PAQR4: variants seen among roughly 807,000 people sequenced by gnomAD.
PAQR4 encodes progestin and adipoQ receptor family member IV.
A neutral mutation model predicts 20.9 loss-of-function variants in PAQR4; 26 were observed. That is an observed-to-expected ratio of 1.24 (90% CI 0.91 to 1.73). The LOEUF is 1.73. Among genes scored for constraint, PAQR4 ranks in the 40% most tolerant of loss-of-function variants. PAQR4 has a pLI of 0.00. For missense variants in PAQR4, 400 were observed against 380.1 expected (o/e 1.05, Z -0.44); for synonymous variants, 193 against 171.6 (o/e 1.12, Z -0.97).
In PAQR4 at chr16:2,972,277, T is replaced by TC; in HGVS notation, c.*330dup. The TC allele has an allele frequency of 2.0e-6, 1 of 495,398 alleles. No individual in the cohort carries two copies. The highest frequency in any genetic ancestry group is 3.3e-5 in the East Asian group (1 of 30,564). The allele number at this position is 495,398 out of a possible 1,614,324, so 30.7% of individuals were successfully genotyped here. On this transcript the variant is annotated 3_prime_UTR_variant, in exon 3 of 3. Coordinates refer to ENST00000318782, the MANE Select transcript of PAQR4 (RefSeq NM_152341.5). ...TGGGGTCACGTCTTGCTCTGAGAGT[T>TC]CAAGTCCTGCCAGGCCGCCAGCCCA...
Position 2,971,285 on chromosome 16 carries a change from T to G in PAQR4, c.295T>G (p.Tyr99Asp), listed in dbSNP as rs2071980631. The change falls in exon 2 of 3, where the codon TAT becomes GAT. Residue 99 changes from tyrosine (Y) to aspartate (D), a missense_variant. Physicochemically the swap from Tyr to Asp is radical, Grantham distance 160. Coordinates refer to ENST00000318782, the MANE Select transcript of PAQR4 (RefSeq NM_152341.5). ...CLAPPAGSVLYHLFMCHQGGS... is the reference protein window; with the variant it reads ...CLAPPAGSVLDHLFMCHQGGS... ...TGCACCCCCTGCAGGCTCCGTGCTC[T>G]ATCACCTCTTTATGTGCCACCAAGG... The G allele has an allele frequency of 1.2e-6, 2 of 1,612,976 alleles. No individual in the cohort carries two copies. The highest frequency in any genetic ancestry group is 1.7e-6 in the Non-Finnish European group (2 of 1,180,002).
chr16:2,973,450 G>A lies in PAQR4; in HGVS notation c.*1502G>A, dbSNP rs2072071771. The A allele has an allele frequency of 6.6e-7, 1 of 1,522,124 alleles. No homozygotes were observed. The allele number at this position is 1,522,124 out of a possible 1,614,324, so 94.3% of individuals were successfully genotyped here. A position where few individuals can be genotyped will look rare whatever the true frequency, so the allele number is the denominator to read the frequency against. On this transcript the variant is annotated 3_prime_UTR_variant, in exon 3 of 3. Transcript: ENST00000318782. ...GTCCTTTTCAGAACACATGGACTTG[G>A]AGGCAGATTTGAAATAAACTTTTAG...
Position 2,973,224 on chromosome 16 carries a change from G to C in PAQR4, c.*1276G>C. The C allele has an allele frequency of 6.7e-7, 1 of 1,489,800 alleles. No individual in the cohort carries two copies. The highest frequency in any genetic ancestry group is 9.0e-7 in the Non-Finnish European group (1 of 1,116,154). The allele number at this position is 1,489,800 out of a possible 1,614,324, so 92.3% of individuals were successfully genotyped here. The stretch of plus-strand genomic sequence containing the variant: ...CAGGGGAGAGTGAAGGCCTGCAGGA[G>C]GGCAGGCGAGACAAGGAGGGTGTCC... On this transcript the variant is annotated 3_prime_UTR_variant, in exon 3 of 3. Transcript: ENST00000318782.
chr16:2,971,846 C>T lies in PAQR4; in HGVS notation c.720C>T (p.His240=). 6.2e-7 allele frequency: 1 copy of T among 1,612,474 alleles called. No individual in the cohort carries two copies. The highest frequency in any genetic ancestry group is 1.1e-5 in the South Asian group (1 of 91,090). Residue 240 remains histidine (H), a synonymous_variant, in exon 3 of 3, where the codon CAC becomes CAT. Transcript: ENST00000318782. ...GCTTTGACTACTGGGGCAACTCCCA[C>T]CAGATCATGCACCTGCTGAGCGTGG... is the stretch of plus-strand genomic sequence containing the variant. The part of the protein sequence containing the change: ...PGRFDYWGNS[H]QIMHLLSVGS...
Position 2,972,008 on chromosome 16 carries a change from C to T in PAQR4, c.*60C>T, listed in dbSNP as rs2072009982. 1.4e-6 allele frequency: 2 copies of T among 1,460,546 alleles called. No individual in the cohort carries two copies. Among genetic ancestry groups the T allele is most frequent in the African/African-American group, 1.4e-5 (1 of 70,870 alleles). The allele number at this position is 1,460,546 out of a possible 1,614,324, so 90.5% of individuals were successfully genotyped here. On this transcript the variant is annotated 3_prime_UTR_variant, in exon 3 of 3. Transcript: ENST00000318782. ...GAGTTAGCAACACCAGGTGTTCCTCCCAACTCGTCTGCAAGGGGCTGGCTC... is the reference window on the plus strand; with the variant it reads ...GAGTTAGCAACACCAGGTGTTCCTCTCAACTCGTCTGCAAGGGGCTGGCTC...
rs2072014882 is a variant in PAQR4 at position 2,972,198 on chromosome 16, T to G, written c.*250T>G. 1 of 562,606 alleles carries G rather than the reference T, an allele frequency of 1.8e-6. No individual in the cohort carries two copies. Among genetic ancestry groups the G allele is most frequent in the African/African-American group, 1.9e-5 (1 of 53,150 alleles). The allele number at this position is 562,606 out of a possible 1,614,324, so 34.9% of individuals were successfully genotyped here. On this transcript the variant is annotated 3_prime_UTR_variant, in exon 3 of 3. Coordinates refer to ENST00000318782, the MANE Select transcript of PAQR4 (RefSeq NM_152341.5). ...TGTCAGCTGGAAGGAAACCTTTCCC[T>G]CTTGGGACCTCTTTACCCTCTGTGA...
intron 1 of PAQR4, chr16:2,970,938 G>A (rs1156366028): frequency 2.6e-5 from 16 of 603,998 alleles, no homozygotes; most frequent in Non-Finnish European, 4.7e-5. Flanking sequence ...CCTGCAAAGT[G>A]GGGATCATGG....
rs2072049772 is a variant in PAQR4, at chr16:2,973,110, G to A, written c.*1162G>A. ...CACTCAGGATCCAAAAGCTAGCCCT[G>A]CCCACCCCAGCCCCTGGACCTGCTT... On this transcript the variant is annotated 3_prime_UTR_variant, in exon 3 of 3. Coordinates refer to ENST00000318782, the MANE Select transcript of PAQR4 (RefSeq NM_152341.5). 1.3e-6 allele frequency: 2 copies of A among 1,562,350 alleles called. No homozygotes were observed. The highest frequency in any genetic ancestry group is 1.7e-6 in the Non-Finnish European group (2 of 1,150,278).
chr16:2,969,752 G>C lies in PAQR4; in HGVS notation c.78G>C (p.Leu26=). Residue 26 remains leucine (L), a synonymous_variant, in exon 1 of 3, where the codon CTG becomes CTC. Coordinates refer to ENST00000318782, the MANE Select transcript of PAQR4 (RefSeq NM_152341.5). The part of the protein sequence containing the change: ...PPHLQFNKFV[L]TGYRPASSGS... ...ACCTGCAGTTCAATAAGTTCGTGCTGACCGGGTACCGGCCCGCCAGCAGCG... is the reference window on the plus strand; with the variant it reads ...ACCTGCAGTTCAATAAGTTCGTGCTCACCGGGTACCGGCCCGCCAGCAGCG... 1.9e-6 allele frequency: 3 copies of C among 1,610,878 alleles called. No individual in the cohort carries two copies. Among genetic ancestry groups the C allele is most frequent in the Non-Finnish European group, 2.5e-6 (3 of 1,179,122 alleles).
At position 2,973,290 on chromosome 16, in the gene PAQR4, G is replaced by A; in HGVS notation, c.*1342G>A. Reference sequence around the variant, plus strand: ...CGGATGAAACCAGCTCTGTCCCTGTGCAGGCTCCAGGCTCCCGCCTGACAA... The same window carrying A: ...CGGATGAAACCAGCTCTGTCCCTGTACAGGCTCCAGGCTCCCGCCTGACAA... On this transcript the variant is annotated 3_prime_UTR_variant, in exon 3 of 3. Coordinates refer to ENST00000318782, the MANE Select transcript of PAQR4 (RefSeq NM_152341.5). The A allele has an allele frequency of 6.7e-7, 1 of 1,502,496 alleles. No homozygotes were observed. 93.1% of individuals were successfully genotyped at this position (1,502,496 alleles called of 1,614,324 possible).
chr16:2,970,013 C>A, intron 1 of PAQR4, 173 bp downstream of exon 1: 3 of 909,442 alleles, frequency 3.3e-6, no homozygotes, highest in Non-Finnish European at 4.9e-6. Context: ...GCGCTGCCAG[C>A]TTCCGTTTTC....
Position 2,969,887 on chromosome 16 carries a change from C to T in PAQR4, c.166+47C>T, listed in dbSNP as rs2071933526. The T allele has an allele frequency of 3.1e-6, 5 of 1,600,972 alleles. No homozygotes were observed. The African/African-American group carries it at 4.1e-5, about 13-fold the overall frequency. On this transcript the variant is annotated intron_variant, in intron 1 of 2. Coordinates refer to ENST00000318782, the MANE Select transcript of PAQR4 (RefSeq NM_152341.5). Reference sequence around the variant, plus strand: ...GCTTCCCACACCCCCGGCCGCCCTACCTGCGTTGGGCCGGGGGCACTGAGG... The same window carrying T: ...GCTTCCCACACCCCCGGCCGCCCTATCTGCGTTGGGCCGGGGGCACTGAGG...
In PAQR4 at chr16:2,973,162, G is replaced by T; in HGVS notation, c.*1214G>T. On this transcript the variant is annotated 3_prime_UTR_variant, in exon 3 of 3. Coordinates refer to ENST00000318782, the MANE Select transcript of PAQR4 (RefSeq NM_152341.5). ...CCTGGGTGTGCACCTGCTCCGGGGGGTGGAGGTGCTCCCCACAGTCCGGGC... is the reference window on the plus strand; with the variant it reads ...CCTGGGTGTGCACCTGCTCCGGGGGTTGGAGGTGCTCCCCACAGTCCGGGC... 5.8e-6 allele frequency: 9 copies of T among 1,539,126 alleles called. No homozygotes were observed. Among genetic ancestry groups the T allele is most frequent in the Non-Finnish European group, 7.9e-6 (9 of 1,137,000 alleles).
rs747309141 is a variant in PAQR4 at position 2,969,781 on chromosome 16, C to G, written c.107C>G (p.Ser36Trp). 3.4e-5 allele frequency: 54 copies of G among 1,603,508 alleles called. No homozygotes were observed. Among genetic ancestry groups the G allele is most frequent in the Non-Finnish European group, 4.6e-5 (54 of 1,176,110 alleles). Residue 36 changes from serine to tryptophan, a missense_variant, in exon 1 of 3, where the codon TCG (serine) becomes TGG (tryptophan). Coordinates refer to ENST00000318782, the MANE Select transcript of PAQR4 (RefSeq NM_152341.5). The part of the protein sequence containing the change: ...LTGYRPASSG[S>W]GCLRSLFYLH... The stretch of plus-strand genomic sequence containing the variant: ...GGGTACCGGCCCGCCAGCAGCGGCT[C>G]GGGCTGCCTGCGCAGCCTCTTCTAC...
chr16:2,971,126 C>T, intron 1 of PAQR4, 31 bp from the exon 2 acceptor site: 1 of 1,604,454 alleles, frequency 6.2e-7, no homozygotes. Context: ...GTGACTGAAA[C>T]TATCTGGTAG....
chr16:2,972,143 G>T lies in PAQR4; in HGVS notation c.*195G>T. 1.7e-6 allele frequency: 1 copy of T among 595,256 alleles called. No individual in the cohort carries two copies. Among genetic ancestry groups the T allele is most frequent in the South Asian group, 2.4e-5 (1 of 41,766 alleles). 36.9% of individuals were successfully genotyped at this position (595,256 alleles called of 1,614,324 possible). A position where few individuals can be genotyped will look rare whatever the true frequency, so the allele number is the denominator to read the frequency against. ...CCGTGGCGCTCCAACTTCCTTCCCT[G>T]CCTTTTCCCTCCAAGCTCCTATTTT... On this transcript the variant is annotated 3_prime_UTR_variant, in exon 3 of 3. Transcript: ENST00000318782.
chr16:2,970,996 A>G, intron 1 of PAQR4, 161 bp from the exon 2 acceptor site: 3 of 667,304 alleles, frequency 4.5e-6, no homozygotes, highest in Non-Finnish European at 7.7e-6. Context: ...ACCAGTGCCA[A>G]AAGCCTTTTG....
In PAQR4 at chr16:2,973,020, C is replaced by A; in HGVS notation, c.*1072C>A. 6.2e-7 allele frequency: 1 copy of A among 1,609,910 alleles called. No individual in the cohort carries two copies. The highest frequency in any genetic ancestry group is 1.7e-4 in the Middle Eastern group (1 of 6,034). On this transcript the variant is annotated 3_prime_UTR_variant, in exon 3 of 3. Transcript: ENST00000318782. ...CCGAGGCTCAAAGGAGGGGAAGGAG[C>A]CCCGAGGAGGCTCTGAGTTGATGTC...
rs1219751641 is a variant in PAQR4 at position 2,972,163 on chromosome 16, TA to T, written c.*216del. 1.7e-6 allele frequency: 1 copy of T among 575,352 alleles called. No homozygotes were observed. The highest frequency in any genetic ancestry group is 3.0e-6 in the Non-Finnish European group (1 of 331,442). 35.6% of individuals were successfully genotyped at this position (575,352 alleles called of 1,614,324 possible). ...TCCCTGCCTTTTCCCTCCAAGCTCC[TA>T]TTTTACTGTGTCAGCTGGAAGGAAA... On this transcript the variant is annotated 3_prime_UTR_variant, in exon 3 of 3. Coordinates refer to ENST00000318782, the MANE Select transcript of PAQR4 (RefSeq NM_152341.5).
Sources: gnomAD v4.1 joint callset for allele counts on GRCh38, gnomAD v4.1.1 for gene constraint, MANE v1.5 for transcripts, NCBI Gene and HGNC (gene_info 2026-07-23, HGNC 2026-07-21) for gene names.